UTS2B: variants seen among roughly 807,000 people sequenced by gnomAD.
UTS2B encodes the protein urotensin-2B.
Under a neutral mutation model 19.2 loss-of-function variants are expected in UTS2B, and 21 were observed. The ratio of observed to expected loss-of-function variants is 1.09; its 90% CI spans 0.78 to 1.58. The LOEUF (loss-of-function observed/expected upper bound fraction) is 1.58. Ranked by LOEUF, UTS2B falls within the 40% of genes most tolerant of loss-of-function variation. UTS2B has a pLI of 0.00. For synonymous variants in UTS2B, 57 were observed against 50.2 expected (o/e 1.14, Z -0.58); for missense variants, 138 against 130.3 (o/e 1.06, Z -0.29).
At position 191,268,150 on chromosome 3, in the gene UTS2B, G is replaced by A. The variant is rs1715990861; in HGVS notation, c.*266C>T. 2 of 264,546 alleles carry A rather than the reference G, an allele frequency of 7.6e-6. No individual in the cohort carries two copies. 16.4% of individuals were successfully genotyped at this position (264,546 alleles called of 1,614,324 possible). ...ATGAACATCTGCTTTTCTGGGATAG[G>A]AATCTTGGTGATATGAAACCTCCCT... On this transcript the variant is annotated 3_prime_UTR_variant, in exon 9 of 9. Coordinates refer to ENST00000340524, the MANE Select transcript of UTS2B (RefSeq NM_198152.5).
chr3:191,319,522 C>T (rs1221203293), intron 2 of UTS2B, among the ~76,000 whole-genome samples: 1 of 152,090 alleles, frequency 6.6e-6, no homozygotes, highest in East Asian at 1.9e-4. Context: ...ATTACACCTT[C>T]TGTCTATTAA....
chr3:191,313,725 C>CTTTTTTTTTTTTTTTT (rs57398216), intron 3 of UTS2B, among the ~76,000 whole-genome samples: 1 of 109,134 alleles, frequency 9.2e-6, no homozygotes, highest in African/African-American at 3.4e-5. Flanking sequence ...CTCCACTTTC[C>CTTTTTTTTTTTTTTTT]TTTTTTTTTT....
At chr3:191,281,114 G>T (rs1044037180) in intron 5 of UTS2B, among the ~76,000 whole-genome samples, 2 of 152,138 alleles carry the variant, frequency 1.3e-5, no homozygotes, top group South Asian at 2.1e-4. Flanking sequence ...ATTAGAATCA[G>T]AAATTGGAAA....
intron 3 of UTS2B, among the ~76,000 whole-genome samples, chr3:191,310,818 T>A (rs1717280623): frequency 6.6e-6 from 1 of 152,198 alleles, no homozygotes; most frequent in East Asian, 1.9e-4. Context: ...ACAGATGAAT[T>A]GATCAAAAAA....
At chr3:191,301,568 G>C (rs1012604614) in intron 4 of UTS2B, among the ~76,000 whole-genome samples, 1 of 141,662 alleles carries the variant, frequency 7.1e-6, no homozygotes, top group African/African-American at 2.6e-5. Context: ...CTTGCTGCAA[G>C]CTCCGCCGCC....
At chr3:191,323,380 G>A (rs1476741912) in intron 2 of UTS2B, among the ~76,000 whole-genome samples, 2 of 152,136 alleles carry the variant, frequency 1.3e-5, no homozygotes, top group Non-Finnish European at 2.9e-5. Context: ...TGTTGGCCAG[G>A]CTAGTTTCGA....
chr3:191,282,834 T>G (rs1716427247), intron 4 of UTS2B, among the ~76,000 whole-genome samples: 2 of 152,232 alleles, frequency 1.3e-5, no homozygotes, highest in African/African-American at 4.8e-5. Context: ...GGCTTCATTT[T>G]GTTTCAAGCA....
At chr3:191,284,789 T>C (rs1560135550) in intron 4 of UTS2B, among the ~76,000 whole-genome samples, 1 of 151,980 alleles carries the variant, frequency 6.6e-6, no homozygotes, top group Non-Finnish European at 1.5e-5. Context: ...CCAAAATATT[T>C]TTCTGCCATA....
intron 8 of UTS2B, 138 bp downstream of exon 8, chr3:191,275,114 A>G: frequency 1.7e-6 from 1 of 578,874 alleles, no homozygotes; most frequent in Non-Finnish European, 3.0e-6. Flanking sequence ...TTATTGGAAT[A>G]TATTTTTTTA....
intron 3 of UTS2B, among the ~76,000 whole-genome samples, chr3:191,310,559 G>C (rs904745347): frequency 6.6e-6 from 1 of 152,180 alleles, no homozygotes; most frequent in Non-Finnish European, 1.5e-5. Context: ...CAATGTTGAT[G>C]CTCTGGCCAT....
At chr3:191,315,203 G>T (rs1717415989) in intron 3 of UTS2B, among the ~76,000 whole-genome samples, 1 of 152,018 alleles carries the variant, frequency 6.6e-6, no homozygotes, top group Admixed American at 6.5e-5. Flanking sequence ...AGTAGAGATG[G>T]GGTTTCACCA....
In UTS2B at chr3:191,276,994, G is replaced by A; in HGVS notation, c.203-150C>T. The A allele has an allele frequency of 6.6e-6, 4 of 603,984 alleles. No homozygotes were observed. In the South Asian group the frequency reaches 7.3e-5, roughly 11 times the overall value. 37.4% of individuals were successfully genotyped at this position (603,984 alleles called of 1,614,324 possible). ...ATCCATTCCTAATATAAAACCTCCAGTATATTTCTCAATGCCCATAGTATT... is the reference window on the plus strand; with the variant it reads ...ATCCATTCCTAATATAAAACCTCCAATATATTTCTCAATGCCCATAGTATT... On this transcript the variant is annotated intron_variant, in intron 6 of 8. Transcript: ENST00000340524.
At chr3:191,331,098 T>C (rs1431347285), upstream of UTS2B, among the ~76,000 whole-genome samples, 2 of 152,188 alleles carry the variant, frequency 1.3e-5, no homozygotes, top group Non-Finnish European at 2.9e-5. Flanking sequence ...ATCTTAGAGA[T>C]TGTCTGGTTA....
intron 4 of UTS2B, among the ~76,000 whole-genome samples, chr3:191,294,371 T>C (rs563694262): frequency 6.6e-6 from 1 of 151,940 alleles, no homozygotes; most frequent in East Asian, 1.9e-4. Flanking sequence ...AAATTTAAAT[T>C]AGCAGTGCCT....
At chr3:191,269,302 C>CAAGAG (rs1353082936) in intron 8 of UTS2B, among the ~76,000 whole-genome samples, 1 of 152,150 alleles carries the variant, frequency 6.6e-6, no homozygotes, top group African/African-American at 2.4e-5. Context: ...TTTTCCTCCC[C>CAAGAG]AAATACACCG....
intron 3 of UTS2B, among the ~76,000 whole-genome samples, chr3:191,309,342 CT>C (rs1198852564): frequency 8.8e-4 from 128 of 146,146 alleles, no homozygotes; most frequent in African/African-American, 2.3e-3. Flanking sequence ...TTTGGTTTTT[CT>C]TTTTTTTTTT....
chr3:191,283,812 T>C (rs1256080931), intron 4 of UTS2B, among the ~76,000 whole-genome samples: 2 of 152,216 alleles, frequency 1.3e-5, no homozygotes, highest in East Asian at 3.8e-4. Flanking sequence ...ATGATGAACC[T>C]AGATCCTAAA....
At chr3:191,317,072 C>G (rs990898647) in intron 2 of UTS2B, among the ~76,000 whole-genome samples, 4 of 152,226 alleles carry the variant, frequency 2.6e-5, no homozygotes, top group African/African-American at 9.6e-5. Flanking sequence ...GGGTGGTGCC[C>G]GTCAGGGAGG....
chr3:191,326,167 C>G (rs190671301), intron 2 of UTS2B, among the ~76,000 whole-genome samples: 26 of 152,120 alleles, frequency 1.7e-4, no homozygotes, highest in Admixed American at 1.2e-3. Flanking sequence ...GTTTTTTTAA[C>G]TTACTTTTAA....
Sources: gnomAD v4.1 joint callset for allele counts (sites outside exome capture counted in the v4.1 genomes callset) on GRCh38, gnomAD v4.1.1 for gene constraint, MANE v1.5 for transcripts, NCBI Gene and HGNC (gene_info 2026-07-23, HGNC 2026-07-21) for gene names.